GRIK3: variants seen among roughly 807,000 people sequenced by gnomAD.
GRIK3 encodes the protein glutamate ionotropic receptor kainate type subunit 3, also known as glutamate receptor ionotropic, kainate 3.
Under a neutral mutation model 102.5 loss-of-function variants are expected in GRIK3, and 29 were observed. The observed-to-expected ratio is 0.28, with a 90% CI of 0.21 to 0.39. GRIK3 has a LOEUF of 0.39. GRIK3 is among the 10% of genes least tolerant of loss of function. The probability of loss-of-function intolerance (pLI) is 1.00; values close to 1 mark genes in which losing one functional copy is unlikely to be tolerated. For synonymous variants in GRIK3, 511 were observed against 504.9 expected, an observed-to-expected ratio of 1.01 and a Z score of -0.16; for missense variants, 908 against 1,252.4, an observed-to-expected ratio of 0.73 and a Z score of 4.15.
intron 5 of GRIK3, among the ~76,000 whole-genome samples, chr1:36,862,585 G>A (rs979049054): frequency 2.0e-5 from 3 of 152,168 alleles, no homozygotes; most frequent in African/African-American, 7.2e-5. Flanking sequence ...AGATCAGGAT[G>A]CCTCTCGAAT....
chr1:36,979,839 A>G (rs1169028197), intron 1 of GRIK3, among the ~76,000 whole-genome samples: 1 of 152,262 alleles, frequency 6.6e-6, no homozygotes, highest in Non-Finnish European at 1.5e-5. Flanking sequence ...CAAGTTTCAC[A>G]GGGTTGAAAC....
intron 1 of GRIK3, among the ~76,000 whole-genome samples, chr1:37,013,286 G>C (rs1001411347): frequency 6.6e-6 from 1 of 152,238 alleles, no homozygotes; most frequent in Admixed American, 6.5e-5. Context: ...GGAGCTACAA[G>C]ATGAGATCTG....
chr1:37,017,701 A>G (rs1642668701), intron 1 of GRIK3, among the ~76,000 whole-genome samples: 1 of 152,184 alleles, frequency 6.6e-6, no homozygotes, highest in African/African-American at 2.4e-5. Context: ...GTCAAACCTT[A>G]GCCAGCTTTG....
In GRIK3 at chr1:36,825,652, C is replaced by T. The variant is rs1439483435; in HGVS notation, c.1705G>A (p.Val569Ile). ...NPLSPDIWMYVLLAYLGVSCV... is the reference protein window; with the variant it reads ...NPLSPDIWMYILLAYLGVSCV... ...CTGACCCCCAGGTAGGCGAGGAGAA[C>T]ATACATCCAGATGTCTGGGGACAGG... Residue 569 changes from valine (V) to isoleucine (I), a missense_variant, in exon 11 of 16, where the codon GTT (valine) becomes ATT (isoleucine). Physicochemically the swap from Val to Ile is conservative, Grantham distance 29. Coordinates refer to ENST00000373091, the MANE Select transcript of GRIK3 (RefSeq NM_000831.4). The T allele has an allele frequency of 1.6e-5, 26 of 1,610,442 alleles. No individual in the cohort carries two copies. The highest frequency in any genetic ancestry group is 1.7e-4 in the Middle Eastern group (1 of 6,034).
chr1:36,977,251 T>G (rs372148264), intron 1 of GRIK3, among the ~76,000 whole-genome samples: 3 of 152,248 alleles, frequency 2.0e-5, no homozygotes, highest in East Asian at 3.8e-4. Context: ...AATGAAATCA[T>G]GCCTGCCTCT....
chr1:36,855,739 G>T (rs1301366444), intron 7 of GRIK3, among the ~76,000 whole-genome samples: 1 of 152,234 alleles, frequency 6.6e-6, no homozygotes, highest in Non-Finnish European at 1.5e-5. Flanking sequence ...CTTAGATTAG[G>T]GCTGGCCCTT....
chr1:36,904,094 C>T (rs148951585), intron 1 of GRIK3, among the ~76,000 whole-genome samples: 534 of 152,234 alleles, frequency 3.5e-3, no homozygotes, highest in Middle Eastern at 0.01. Flanking sequence ...AATCTCCGTG[C>T]CTTCCACTCA....
chr1:36,918,457 T>C (rs762473473), intron 1 of GRIK3, among the ~76,000 whole-genome samples: 3 of 152,364 alleles, frequency 2.0e-5, no homozygotes, highest in East Asian at 1.9e-4. Flanking sequence ...TTATTATTAA[T>C]GGCGACAAAG....
intron 10 of GRIK3, among the ~76,000 whole-genome samples, chr1:36,827,873 TG>T (rs1391672101): frequency 1.3e-5 from 2 of 152,024 alleles, no homozygotes; most frequent in Non-Finnish European, 2.9e-5. Context: ...CACTGACACT[TG>T]GAGTCCAAGG....
intron 1 of GRIK3, among the ~76,000 whole-genome samples, chr1:37,022,520 G>A (rs901639736): frequency 6.6e-6 from 1 of 152,188 alleles, no homozygotes; most frequent in African/African-American, 2.4e-5. Flanking sequence ...TGAGAAAGAA[G>A]GGCTCACTCC....
intron 3 of GRIK3, among the ~76,000 whole-genome samples, chr1:36,877,480 A>C (rs1570774825): frequency 6.6e-6 from 1 of 152,244 alleles, no homozygotes; most frequent in East Asian, 1.9e-4. Flanking sequence ...CACCTTCTAA[A>C]ACTCTGCTTT....
At position 36,801,185 on chromosome 1, in the gene GRIK3, G is replaced by A. The variant is rs555830634; in HGVS notation, c.*666C>T. ...ATTGTCCATAAGAATCCAAAATGGC[G>A]GCCTCTGTTTGTGCATTCTCTTCTC... On this transcript the variant is annotated 3_prime_UTR_variant, in exon 16 of 16. Coordinates refer to ENST00000373091, the MANE Select transcript of GRIK3 (RefSeq NM_000831.4). The A allele has an allele frequency of 3.3e-5, 5 of 152,378 alleles. No individual in the cohort carries two copies. Among genetic ancestry groups the A allele is most frequent in the East Asian group, 3.9e-4 (2 of 5,182 alleles). The allele number at this position is 152,378 out of a possible 1,614,324, so 9.4% of individuals were successfully genotyped here.
At chr1:36,867,758 A>G (rs1170741788) in intron 5 of GRIK3, among the ~76,000 whole-genome samples, 1 of 152,134 alleles carries the variant, frequency 6.6e-6, no homozygotes, top group Admixed American at 6.5e-5. Context: ...CACCCTGAGT[A>G]CTGCCCTCGC....
At chr1:37,015,717 C>T (rs570729951) in intron 1 of GRIK3, among the ~76,000 whole-genome samples, 3 of 152,300 alleles carry the variant, frequency 2.0e-5, no homozygotes, top group African/African-American at 7.2e-5. Flanking sequence ...CCAACTCCGG[C>T]TCCAGCAGAA....
At position 36,819,593 on chromosome 1, in the gene GRIK3, C is replaced by T. The variant is rs1480435785; in HGVS notation, c.1873+143G>A. 1.6e-5 allele frequency: 10 copies of T among 624,758 alleles called. No homozygotes were observed. The highest frequency in any genetic ancestry group is 7.5e-5 in the South Asian group (4 of 53,528). 38.7% of individuals were successfully genotyped at this position (624,758 alleles called of 1,614,324 possible). ...GGCAAGGGCACACACCTGGGTATCT[C>T]GATGTCTCCAAACTTCTGCCGGCTC... On this transcript the variant is annotated intron_variant, in intron 12 of 15. Coordinates refer to ENST00000373091, the MANE Select transcript of GRIK3 (RefSeq NM_000831.4). This position sits in a 1 kb window ranked among gnomAD's most constrained non-coding sequence, Gnocchi z 4.1.
At chr1:37,000,177 T>C (rs748131774) in intron 1 of GRIK3, among the ~76,000 whole-genome samples, 3 of 152,170 alleles carry the variant, frequency 2.0e-5, no homozygotes, top group Non-Finnish European at 2.9e-5. Flanking sequence ...ACTCAAGAAA[T>C]AGTTGTTGAA....
At chr1:36,932,015 A>T (rs919598497) in intron 1 of GRIK3, among the ~76,000 whole-genome samples, 6 of 152,064 alleles carry the variant, frequency 3.9e-5, no homozygotes, top group Admixed American at 3.9e-4. Flanking sequence ...TCTGACCTGA[A>T]GCTCACTGTG....
chr1:36,798,780 G>A lies in GRIK3; in HGVS notation c.*3071C>T, dbSNP rs1642398970. On this transcript the variant is annotated 3_prime_UTR_variant, in exon 16 of 16. Transcript: ENST00000373091. ...AACATCAGGACGCAAGGTTTGCCTG[G>A]GAGAGGAGATGAGGCAGCATGCCCT... is the stretch of plus-strand genomic sequence containing the variant. The A allele has an allele frequency of 6.6e-6, 1 of 152,236 alleles. No homozygotes were observed. The highest frequency in any genetic ancestry group is 2.4e-5 in the African/African-American group (1 of 41,466). The allele number at this position is 152,236 out of a possible 1,614,324, so 9.4% of individuals were successfully genotyped here.
intron 1 of GRIK3, among the ~76,000 whole-genome samples, chr1:37,020,667 C>T (rs572364671): frequency 6.6e-6 from 1 of 152,234 alleles, no homozygotes; most frequent in African/African-American, 2.4e-5. Context: ...CCATCTATTA[C>T]CTTGATTTTC....
Sources: allele counts gnomAD v4.1 joint callset (sites outside exome capture counted in the v4.1 genomes callset), GRCh38; gene constraint gnomAD v4.1.1; non-coding constraint Gnocchi (gnomAD v3.1); transcripts MANE v1.5; gene names NCBI Gene and HGNC (gene_info 2026-07-23, HGNC 2026-07-21).